The following APCDD1 variants were observed in gnomAD, a reference collection of about 807,000 sequenced individuals.
APCDD1 encodes the protein protein APCDD1.
A neutral mutation model predicts 38.1 loss-of-function variants in APCDD1; 15 were observed. The observed-to-expected ratio is 0.39, with a 90% CI of 0.26 to 0.61. The LOEUF is 0.61. APCDD1 is among the 20% of genes least tolerant of loss of function. The probability of loss-of-function intolerance (pLI) is 0.49; values close to 1 mark genes in which losing one functional copy is unlikely to be tolerated. For synonymous variants in APCDD1, 261 were observed against 279.7 expected (o/e 0.93, Z 0.67); for missense variants, 647 against 696.2 (o/e 0.93, Z 0.79).
intron 3 of APCDD1, among the ~76,000 whole-genome samples, chr18:10,479,400 G>A (rs1330810458): frequency 6.6e-6 from 1 of 152,192 alleles, no homozygotes; most frequent in African/African-American, 2.4e-5. Context: ...ATCACATCAA[G>A]TAATTTCTTC....
In APCDD1 at chr18:10,467,617, T is replaced by C. The variant is rs930200152; in HGVS notation, c.59-852T>C. Reference sequence around the variant, plus strand: ...TCTGAAGATAAGTTTACTGCTAGTATGTCTTTACCCCTGGGAAATAAACAT... The same window carrying C: ...TCTGAAGATAAGTTTACTGCTAGTACGTCTTTACCCCTGGGAAATAAACAT... On this transcript the variant is annotated intron_variant, in intron 1 of 4. Coordinates refer to ENST00000355285, the MANE Select transcript of APCDD1 (RefSeq NM_153000.5). This position sits in a 1 kb window ranked among gnomAD's most constrained non-coding sequence, Gnocchi z 4.8. 5.9e-5 allele frequency among the ~76,000 whole-genome samples: 9 copies of C among 152,368 alleles called. No homozygotes were observed. Among genetic ancestry groups the C allele is most frequent in the Non-Finnish European group, 8.8e-5 (6 of 68,036 alleles).
At chr18:10,477,339 G>GA (rs929055257) in intron 3 of APCDD1, 3 of 152,186 alleles carry the variant, frequency 2.0e-5, no homozygotes, top group Admixed American at 2.0e-4. Flanking sequence ...ACAATTCTAT[G>GA]AAAAAACAGA....
chr18:10,466,514 G>A (rs1225684625), intron 1 of APCDD1, among the ~76,000 whole-genome samples: 1 of 152,216 alleles, frequency 6.6e-6, no homozygotes, highest in Non-Finnish European at 1.5e-5. Context: ...ACCCCCTGGG[G>A]GAGCTGATCA....
At chr18:10,456,859 G>A (rs1328576182) in intron 1 of APCDD1, among the ~76,000 whole-genome samples, 1 of 152,216 alleles carries the variant, frequency 6.6e-6, no homozygotes, top group Non-Finnish European at 1.5e-5. Flanking sequence ...ATGGTGTTGG[G>A]AGGGGGATTG....
rs1359523473 is a variant in APCDD1, at chr18:10,454,684, C to T, written c.-298C>T. Reference sequence around the variant, plus strand: ...CGGTGGCGGCCACTGCAGCTCAGAGCGGCGCACGCGGCGGCCGGGGCGGGA... The same window carrying T: ...CGGTGGCGGCCACTGCAGCTCAGAGTGGCGCACGCGGCGGCCGGGGCGGGA... On this transcript the variant is annotated 5_prime_UTR_variant, in exon 1 of 5. Coordinates refer to ENST00000355285, the MANE Select transcript of APCDD1 (RefSeq NM_153000.5). 11 of 986,146 alleles carry T rather than the reference C, an allele frequency of 1.1e-5. No individual in the cohort carries two copies. Among genetic ancestry groups the T allele is most frequent in the Middle Eastern group, 5.2e-4 (1 of 1,930 alleles). 61.1% of individuals were successfully genotyped at this position (986,146 alleles called of 1,614,324 possible). A position where few individuals can be genotyped will look rare whatever the true frequency, so the allele number is the denominator to read the frequency against.
Position 10,484,262 on chromosome 18 carries a change from G to T in APCDD1, c.775-1200G>T, listed in dbSNP as rs141406129. On this transcript the variant is annotated intron_variant, in intron 3 of 4. Coordinates refer to ENST00000355285, the MANE Select transcript of APCDD1 (RefSeq NM_153000.5). ...AGTGTGCGCGTGTGCTTGCTGCTCCGCAGCTTCCAGCTCTCCCTTCTTGCG... is the reference window on the plus strand; with the variant it reads ...AGTGTGCGCGTGTGCTTGCTGCTCCTCAGCTTCCAGCTCTCCCTTCTTGCG... 1.1e-3 allele frequency among the ~76,000 whole-genome samples: 173 copies of T among 152,322 alleles called. 1 individual carries two copies. Among genetic ancestry groups the T allele is most frequent in the African/African-American group, 3.8e-3 (159 of 41,576 alleles).
At chr18:10,486,697 CT>C (rs11296338) in intron 4 of APCDD1, among the ~76,000 whole-genome samples, 74,186 of 151,654 alleles carry the variant, frequency 0.49, 18,582 homozygotes, top group East Asian at 0.65. Context: ...TAAAAGGTTG[CT>C]TTTTTTTTCC....
In APCDD1 at chr18:10,469,655, G is replaced by A. The variant is rs1327768563; in HGVS notation, c.242+1003G>A. 6.6e-6 allele frequency among the ~76,000 whole-genome samples: 1 copy of A among 152,180 alleles called. No homozygotes were observed. Among genetic ancestry groups the A allele is most frequent in the Non-Finnish European group, 1.5e-5 (1 of 68,028 alleles). On this transcript the variant is annotated intron_variant, in intron 2 of 4. Transcript: ENST00000355285. The surrounding 1 kb of genome is among the most constrained non-coding windows in gnomAD (Gnocchi z 5.5). ...TGGAGGGGTTGGGGCAGCAACAGGTGCTAAAAGAGAATACCAGGGGGCCCC... is the reference window on the plus strand; with the variant it reads ...TGGAGGGGTTGGGGCAGCAACAGGTACTAAAAGAGAATACCAGGGGGCCCC...
intron 3 of APCDD1, among the ~76,000 whole-genome samples, chr18:10,481,683 A>T (rs2031142517): frequency 2.0e-5 from 1 of 50,538 alleles, no homozygotes; most frequent in Non-Finnish European, 4.7e-5. Flanking sequence ...ACACAGTAAT[A>T]AAAAAAAAAA....
chr18:10,480,134 C>T (rs76721172), intron 3 of APCDD1, among the ~76,000 whole-genome samples: 2,213 of 152,090 alleles, frequency 0.015, 64 homozygotes, highest in African/African-American at 0.051. Flanking sequence ...AAGGGGATGC[C>T]GTGGAAGCCA....
In APCDD1 at chr18:10,488,256, G is replaced by T; in HGVS notation, c.*218G>T. 1.6e-6 allele frequency: 1 copy of T among 620,022 alleles called. No homozygotes were observed. Among genetic ancestry groups the T allele is most frequent in the East Asian group, 2.8e-5 (1 of 35,310 alleles). The allele number at this position is 620,022 out of a possible 1,614,324, so 38.4% of individuals were successfully genotyped here. ...CCGTCCAGCCTGATCCCTGGCCTGA[G>T]CAACTTCACAACAGTAATTGCACTT... On this transcript the variant is annotated 3_prime_UTR_variant, in exon 5 of 5. Coordinates refer to ENST00000355285, the MANE Select transcript of APCDD1 (RefSeq NM_153000.5).
chr18:10,487,833 C>G lies in APCDD1; in HGVS notation c.1340C>G (p.Ser447Cys), dbSNP rs1243154650. 1 of 1,614,006 alleles carries G rather than the reference C, an allele frequency of 6.2e-7. No individual in the cohort carries two copies. Among genetic ancestry groups the G allele is most frequent in the East Asian group, 2.2e-5 (1 of 44,882 alleles). ...AACGGTCAGAGGCCCAGCGACGGGT[C>G]CAGCCCAGACAGGCCAGAGAAGAGA... ...LFNGQRPSDGSSPDRPEKRAT... is the reference protein window; with the variant it reads ...LFNGQRPSDGCSPDRPEKRAT... Residue 447 changes from serine (S) to cysteine (C), a missense_variant, in exon 5 of 5, where the codon TCC becomes TGC. Coordinates refer to ENST00000355285, the MANE Select transcript of APCDD1 (RefSeq NM_153000.5).
At position 10,472,158 on chromosome 18, in the gene APCDD1, G is replaced by A. The variant is rs2030877686; in HGVS notation, c.774+97G>A. 8 of 1,543,040 alleles carry A rather than the reference G, an allele frequency of 5.2e-6. 1 individual carries two copies. The highest frequency in any genetic ancestry group is 4.5e-4 in the Middle Eastern group (2 of 4,454). ...GGCTCTAGGGCACCCTTGAAAGGGGGAATTCTGCATCATGGCGGGGCAGGC... is the reference window on the plus strand; with the variant it reads ...GGCTCTAGGGCACCCTTGAAAGGGGAAATTCTGCATCATGGCGGGGCAGGC... On this transcript the variant is annotated intron_variant, in intron 3 of 4. Coordinates refer to ENST00000355285, the MANE Select transcript of APCDD1 (RefSeq NM_153000.5). This position sits in a 1 kb window ranked among gnomAD's most constrained non-coding sequence, Gnocchi z 6.6.
chr18:10,458,695 TAC>T (rs2030446784), intron 1 of APCDD1, among the ~76,000 whole-genome samples: 12 of 152,216 alleles, frequency 7.9e-5, no homozygotes, highest in African/African-American at 2.7e-4. Flanking sequence ...AATTACATAC[TAC>T]TATTTAGGGA....
intron 1 of APCDD1, among the ~76,000 whole-genome samples, chr18:10,461,440 G>A (rs1364942090): frequency 3.3e-5 from 5 of 152,140 alleles, no homozygotes; most frequent in Non-Finnish European, 5.9e-5. Context: ...TTTGGATAAC[G>A]TTATTCAGAA....
intron 1 of APCDD1, among the ~76,000 whole-genome samples, chr18:10,465,180 G>A (rs1285402001): frequency 6.6e-6 from 1 of 152,172 alleles, no homozygotes; most frequent in Non-Finnish European, 1.5e-5. Context: ...TGCAGGCCGT[G>A]TGCATCTCAC....
rs1231707825 is a variant in APCDD1, at chr18:10,454,918, C to T, written c.-64C>T. The T allele has an allele frequency of 1.4e-6, 2 of 1,457,314 alleles. No individual in the cohort carries two copies. The highest frequency in any genetic ancestry group is 3.0e-5 in the African/African-American group (2 of 67,572). The allele number at this position is 1,457,314 out of a possible 1,614,324, so 90.3% of individuals were successfully genotyped here. A position where few individuals can be genotyped will look rare whatever the true frequency, so the allele number is the denominator to read the frequency against. On this transcript the variant is annotated 5_prime_UTR_variant, in exon 1 of 5. Transcript: ENST00000355285. ...GGCCGGAGGCGGAGGGCAGAGCGCG[C>T]GCCCAGTTGCCCGGGCACCAAATCG...
At chr18:10,464,684 G>T (rs911914567) in intron 1 of APCDD1, among the ~76,000 whole-genome samples, 1 of 152,142 alleles carries the variant, frequency 6.6e-6, no homozygotes, top group Non-Finnish European at 1.5e-5. Flanking sequence ...GCCTCCCAGG[G>T]TGTTGGGATT....
intron 1 of APCDD1, among the ~76,000 whole-genome samples, chr18:10,464,436 T>A (rs1273519934): frequency 6.6e-6 from 1 of 152,186 alleles, no homozygotes; most frequent in Non-Finnish European, 1.5e-5. Context: ...TATTTGTTTA[T>A]TTTAGAGACA....
Sources: allele counts gnomAD v4.1 joint callset (sites outside exome capture counted in the v4.1 genomes callset), GRCh38; gene constraint gnomAD v4.1.1; non-coding constraint Gnocchi (gnomAD v3.1); transcripts MANE v1.5; gene names NCBI Gene and HGNC (gene_info 2026-07-23, HGNC 2026-07-21).